Variants in KIAA1217 observed in about 807,000 individuals in gnomAD.
The protein encoded by KIAA1217 is sickle tail protein homolog.
KIAA1217 carries 88 observed loss-of-function variants against 163.9 expected under a neutral mutation model. The observed-to-expected ratio is 0.54, with a 90% CI of 0.45 to 0.64. KIAA1217 has a LOEUF of 0.64. Among genes scored for constraint, KIAA1217 ranks in the 30% least tolerant of loss-of-function variants. The pLI is 0.00. For missense variants in KIAA1217, 2,372 were observed against 2,475.0 expected, an observed-to-expected ratio of 0.96 and a Z score of 0.88; for synonymous variants, 903 against 923.1, an observed-to-expected ratio of 0.98 and a Z score of 0.39.
At chr10:24,368,886 A>T (rs774512429) in intron 2 of KIAA1217, 7 of 980,638 alleles carry the variant, frequency 7.1e-6, no homozygotes, top group Non-Finnish European at 7.3e-6. Flanking sequence ...TAATTTACCA[A>T]TTGCTGTCCC....
At chr10:24,088,913 A>G (rs1159010442) in intron 2 of KIAA1217, among the ~76,000 whole-genome samples, 1 of 124,796 alleles carries the variant, frequency 8.0e-6, no homozygotes, top group Non-Finnish European at 2.0e-5. Context: ...TCCCACCAAC[A>G]GTGTAAAAGT....
Position 24,407,827 on chromosome 10 carries a change from C to T in KIAA1217, c.554-25168C>T, listed in dbSNP as rs188502105. On this transcript the variant is annotated intron_variant, in intron 3 of 20. Transcript: ENST00000376454. ...GCCTGGTAGCCCCACCTTATCCAGG[C>T]GGACCCGTGAAAAGCGTCCACTTGT... is the stretch of plus-strand genomic sequence containing the variant. Among the ~76,000 whole-genome samples, 209 of 152,188 alleles carry T rather than the reference C, an allele frequency of 1.4e-3. 1 individual carries two copies. Among genetic ancestry groups the T allele is most frequent in the African/African-American group, 4.8e-3 (199 of 41,506 alleles).
intron 9 of KIAA1217, among the ~76,000 whole-genome samples, chr10:24,511,739 T>G (rs937160097): frequency 2.0e-5 from 3 of 152,106 alleles, no homozygotes; most frequent in African/African-American, 7.2e-5. Flanking sequence ...TTAGCAAAAG[T>G]GGTGTGAGAG....
At position 24,173,216 on chromosome 10, in the gene KIAA1217, C is replaced by T. The variant is rs144856257; in HGVS notation, c.-170-46410C>T. ...ATTTGAGGGATGTAAGTTGCATGCC[C>T]CTTATGAGAATCTAATGCCTGATGA... On this transcript the variant is annotated intron_variant, in intron 2 of 18. Coordinates refer to the KIAA1217 transcript ENST00000376462. 5.2e-3 allele frequency among the ~76,000 whole-genome samples: 793 copies of T among 152,270 alleles called. 10 individuals carry two copies. The highest frequency in any genetic ancestry group is 0.018 in the African/African-American group (757 of 41,536).
Position 24,009,256 on chromosome 10 carries a change from C to T in KIAA1217, c.-171+1882C>T, listed in dbSNP as rs185951464. The stretch of plus-strand genomic sequence containing the variant: ...GAAAGAGGAAGTAAAGGAATTGGCC[C>T]ATTATCACATGGAATGTGGTTGGAG... On this transcript the variant is annotated intron_variant, in intron 2 of 18. Coordinates refer to the KIAA1217 transcript ENST00000376462. 2.6e-5 allele frequency among the ~76,000 whole-genome samples: 4 copies of T among 152,190 alleles called. No individual in the cohort carries two copies. In the East Asian group the frequency reaches 5.8e-4, roughly 22 times the overall value.
chr10:24,311,983 T>A (rs995189547), intron 2 of KIAA1217, among the ~76,000 whole-genome samples: 1 of 152,168 alleles, frequency 6.6e-6, no homozygotes, highest in Admixed American at 6.5e-5. Context: ...CAAAGTGGAC[T>A]TTCCTCGAGG....
intron 1 of KIAA1217, among the ~76,000 whole-genome samples, chr10:24,218,346 T>C (rs2069108458): frequency 6.6e-6 from 1 of 152,146 alleles, no homozygotes; most frequent in African/African-American, 2.4e-5. Context: ...ACTTGTCCCT[T>C]CAAAGCCAGC....
intron 1 of KIAA1217, among the ~76,000 whole-genome samples, chr10:24,219,307 C>G (rs1210375651): frequency 1.3e-5 from 2 of 151,972 alleles, no homozygotes; most frequent in Non-Finnish European, 2.9e-5. Context: ...AGATAGGGGT[C>G]TACTATGTTA....
At chr10:23,859,850 CT>C (rs930397430) in intron 1 of KIAA1217, among the ~76,000 whole-genome samples, 118 of 144,824 alleles carry the variant, frequency 8.1e-4, no homozygotes, top group Middle Eastern at 3.7e-3. Flanking sequence ...TGTGATCCCT[CT>C]TTTTTTTTTT....
At chr10:24,204,244 C>G (rs952196644), upstream of KIAA1217, among the ~76,000 whole-genome samples, 1 of 152,054 alleles carries the variant, frequency 6.6e-6, no homozygotes, top group Non-Finnish European at 1.5e-5. Context: ...CTTGGAGCCA[C>G]TGGAATTTTA....
intron 2 of KIAA1217, among the ~76,000 whole-genome samples, chr10:24,174,824 C>T (rs2065793004): frequency 6.6e-6 from 1 of 152,078 alleles, no homozygotes; most frequent in Non-Finnish European, 1.5e-5. Context: ...ATCACTGGAA[C>T]AGTGTATAGT....
intron 1 of KIAA1217, among the ~76,000 whole-genome samples, chr10:23,817,222 A>T (rs1837348249): frequency 6.6e-6 from 1 of 152,206 alleles, no homozygotes; most frequent in African/African-American, 2.4e-5. Context: ...TCAAAATGGC[A>T]TAGTGAATTG....
chr10:24,496,808 G>A (rs1455704083), intron 8 of KIAA1217, among the ~76,000 whole-genome samples: 1 of 152,140 alleles, frequency 6.6e-6, no homozygotes, highest in African/African-American at 2.4e-5. Context: ...TCATTTCTTT[G>A]TTCTAAAAAC....
At chr10:24,464,124 T>C in intron 5 of KIAA1217, among the ~76,000 whole-genome samples, 1 of 152,184 alleles carries the variant, frequency 6.6e-6, no homozygotes, top group East Asian at 1.9e-4. Flanking sequence ...TTGGCTTGTC[T>C]GGTTCATTAG....
chr10:24,211,590 GTATTTTATTT>G (rs375363145), intron 1 of KIAA1217, among the ~76,000 whole-genome samples: 35 of 128,604 alleles, frequency 2.7e-4, no homozygotes, highest in South Asian at 1.5e-3. Context: ...GTATTGTATT[GTATTTTATTT>G]TATTTTAGAG....
chr10:23,782,510 G>A (rs868243596), intron 1 of KIAA1217, among the ~76,000 whole-genome samples: 1 of 152,168 alleles, frequency 6.6e-6, no homozygotes, highest in African/African-American at 2.4e-5. Flanking sequence ...TCAGCTCACT[G>A]CAACCTCTGC....
At chr10:24,063,554 A>T (rs189531137) in intron 2 of KIAA1217, among the ~76,000 whole-genome samples, 1 of 152,252 alleles carries the variant, frequency 6.6e-6, no homozygotes, top group African/African-American at 2.4e-5. Context: ...CTTGTAGTAT[A>T]GTTTGAAGTT....
At chr10:24,067,882 T>C (rs540946905) in intron 2 of KIAA1217, among the ~76,000 whole-genome samples, 34 of 152,190 alleles carry the variant, frequency 2.2e-4, no homozygotes, top group African/African-American at 8.0e-4. Flanking sequence ...CCTTACAGTT[T>C]GATCTCAGAC....
intron 2 of KIAA1217, among the ~76,000 whole-genome samples, chr10:24,078,986 C>A (rs946383344): frequency 6.6e-6 from 1 of 152,224 alleles, no homozygotes; most frequent in Non-Finnish European, 1.5e-5. Context: ...TTTAAGGTTT[C>A]TCATGGGTGT....
Sources: gnomAD v4.1 joint callset for allele counts (sites outside exome capture counted in the v4.1 genomes callset) on GRCh38, gnomAD v4.1.1 for gene constraint, MANE v1.5 for transcripts, NCBI Gene and HGNC (gene_info 2026-07-23, HGNC 2026-07-21) for gene names.